MROH2B: variants seen among roughly 807,000 people sequenced by gnomAD.
MROH2B encodes the protein maestro heat like repeat family member 2B.
Under a neutral mutation model 208.6 loss-of-function variants are expected in MROH2B, and 177 were observed. The observed-to-expected ratio is 0.85, with a 90% CI of 0.75 to 0.96. MROH2B has a LOEUF of 0.96. Ranked by LOEUF, MROH2B falls within the 40% of genes least tolerant of loss-of-function variation. The probability of loss-of-function intolerance (pLI) is 0.00; values close to 1 mark genes in which losing one functional copy is unlikely to be tolerated. For synonymous variants in MROH2B, 728 were observed against 659.0 expected, an observed-to-expected ratio of 1.10 and a Z score of -1.60; for missense variants, 2,002 against 1,878.7, an observed-to-expected ratio of 1.07 and a Z score of -1.21.
intron 16 of MROH2B, 58 bp from the exon 17 acceptor site, chr5:41,047,822 A>G (rs1428817865): frequency 6.9e-7 from 1 of 1,444,158 alleles, no homozygotes. Flanking sequence ...CAAGACTCAA[A>G]TTCTCCCCTC....
At chr5:41,064,328 A>T (rs974018529) in intron 5 of MROH2B, 144 bp downstream of exon 5, 3 of 618,880 alleles carry the variant, frequency 4.8e-6, no homozygotes, top group South Asian at 2.2e-5. Flanking sequence ...AGGACTTTCC[A>T]TGTGGTAGGC....
chr5:41,047,720 C>G lies in MROH2B; in HGVS notation c.1728+1G>C. 6.3e-7 allele frequency: 1 copy of G among 1,594,186 alleles called. No homozygotes were observed. The highest frequency in any genetic ancestry group is 8.6e-7 in the Non-Finnish European group (1 of 1,169,430). On this transcript the variant is annotated splice_donor_variant, in intron 17 of 41. Coordinates refer to ENST00000399564, the MANE Select transcript of MROH2B (RefSeq NM_173489.5). LOFTEE classifies it high-confidence loss of function. ...AAAATTATTCTAGAAGCCAGCCTTA[C>G]CTGAAGCAGCATGGTTTCCCATAGA...
At chr5:41,063,373 C>G (rs1743700184) in intron 5 of MROH2B, among the ~76,000 whole-genome samples, 1 of 152,060 alleles carries the variant, frequency 6.6e-6, no homozygotes, top group South Asian at 2.1e-4. Context: ...GGCTGTGTGA[C>G]CTAAGGCAAG....
chr5:41,039,419 G>A, intron 20 of MROH2B, 29 bp downstream of exon 20: 1 of 1,375,008 alleles, frequency 7.3e-7, no homozygotes, highest in South Asian at 1.3e-5. Context: ...TTGCAATACT[G>A]AGAATTTGAA....
intron 41 of MROH2B, 37 bp downstream of exon 41, chr5:40,998,575 T>C (rs1475823293): frequency 1.3e-6 from 2 of 1,519,882 alleles, no homozygotes; most frequent in South Asian, 1.2e-5. Context: ...CCTAAGAATG[T>C]AACAATATGC....
In MROH2B at chr5:41,048,438, C is replaced by T. The variant is rs1332899394; in HGVS notation, c.1570G>A (p.Glu524Lys). 2 of 1,613,098 alleles carry T rather than the reference C, an allele frequency of 1.2e-6. No homozygotes were observed. Among genetic ancestry groups the T allele is most frequent in the Admixed American group, 3.3e-5 (2 of 59,804 alleles). The change falls in exon 16 of 42, where the codon GAG (glutamate) becomes AAG (lysine). Residue 524 changes from glutamate (E) to lysine (K), a missense_variant. By Grantham distance (56) the Glu-to-Lys change is moderately conservative (BLOSUM62 1). Transcript: ENST00000399564. ...LVISMPASLG[E>K]LRGAGAIGLL... The stretch of plus-strand genomic sequence containing the variant: ...CCTATTGCACCAGCCCCACGTAACT[C>T]CCCTAAACTGGCAGGCATAGATATT...
chr5:41,023,027 C>G (rs182074284), intron 24 of MROH2B, among the ~76,000 whole-genome samples: 222 of 152,258 alleles, frequency 1.5e-3, no homozygotes, highest in African/African-American at 5.2e-3. Context: ...GACATCCACA[C>G]CAAAACCCCG....
Position 41,030,272 on chromosome 5 carries a change from A to G in MROH2B, c.2441+2470T>C, listed in dbSNP as rs1311181202. Among the ~76,000 whole-genome samples, 3 of 152,082 alleles carry G rather than the reference A, an allele frequency of 2.0e-5. No homozygotes were observed. In the East Asian group the frequency reaches 5.8e-4, roughly 29 times the overall value. The stretch of plus-strand genomic sequence containing the variant: ...CAAAACCACAAGAAAATACCACCTC[A>G]CACCCATTAGAATGGGTATAAAAAA... On this transcript the variant is annotated intron_variant, in intron 24 of 41. Coordinates refer to ENST00000399564, the MANE Select transcript of MROH2B (RefSeq NM_173489.5).
chr5:41,065,474 C>A lies in MROH2B; in HGVS notation c.218G>T (p.Arg73Ile). 1 of 1,612,664 alleles carries A rather than the reference C, an allele frequency of 6.2e-7. No homozygotes were observed. Reference protein sequence around the residue: ...MRDNNMLREIRMLAGEVLVSL... With the variant: ...MRDNNMLREIIMLAGEVLVSL... ...CACCAAAACCTCACCAGCTAGCATT[C>A]TGATTTCTCTGAGCATCTGAGGAGG... Residue 73 changes from arginine to isoleucine, a missense_variant, in exon 4 of 42, where the codon AGA becomes ATA. Transcript: ENST00000399564.
rs1045100054 is a variant in MROH2B at position 41,039,351 on chromosome 5, C to G, written c.2061+97G>C. The G allele has an allele frequency of 4.3e-6, 3 of 689,700 alleles. No homozygotes were observed. In the Admixed American group the frequency reaches 8.7e-5, roughly 20 times the overall value. The allele number at this position is 689,700 out of a possible 1,614,324, so 42.7% of individuals were successfully genotyped here. On this transcript the variant is annotated intron_variant, in intron 20 of 41. Coordinates refer to ENST00000399564, the MANE Select transcript of MROH2B (RefSeq NM_173489.5). ...CTGACCTGGAATAAGAACCTGGGGA[C>G]AGGAGTAAGTATAATATAAGAAAGG...
intron 21 of MROH2B, among the ~76,000 whole-genome samples, chr5:41,036,116 C>T (rs1331077049): frequency 7.2e-6 from 1 of 139,590 alleles, no homozygotes; most frequent in Non-Finnish European, 1.6e-5. Flanking sequence ...GTGGGAGATA[C>T]ATATATTATA....
At chr5:41,044,350 T>A (rs1044915696) in intron 18 of MROH2B, among the ~76,000 whole-genome samples, 9 of 152,128 alleles carry the variant, frequency 5.9e-5, no homozygotes. Flanking sequence ...CAGCCCAAAG[T>A]GTCAAAGTAT....
At chr5:41,052,395 T>TA (rs1184585326) in intron 12 of MROH2B, 70 bp downstream of exon 12, 8 of 1,407,258 alleles carry the variant, frequency 5.7e-6, no homozygotes, top group Non-Finnish European at 7.5e-6. Context: ...AATCATTTTT[T>TA]AAAAAGAAAC....
At chr5:41,046,310 G>A (rs1196818917) in intron 17 of MROH2B, among the ~76,000 whole-genome samples, 1 of 151,714 alleles carries the variant, frequency 6.6e-6, no homozygotes, top group African/African-American at 2.4e-5. Context: ...ACATTTTGAT[G>A]TACAGGTACA....
chr5:41,005,422 C>CGCTT, intron 35 of MROH2B, 109 bp downstream of exon 35: 1 of 151,118 alleles, frequency 6.6e-6, no homozygotes, highest in South Asian at 5.3e-5. Context: ...AACCCCCCCC[C>CGCTT]CCCTTGAAGT....
At chr5:41,042,949 C>A (rs893161333) in intron 18 of MROH2B, among the ~76,000 whole-genome samples, 3 of 152,150 alleles carry the variant, frequency 2.0e-5, no homozygotes, top group African/African-American at 7.2e-5. Flanking sequence ...AGGTTCAAAT[C>A]ATTCCTAGCT....
At chr5:41,059,527 C>G (rs1286632689) in intron 6 of MROH2B, among the ~76,000 whole-genome samples, 7 of 152,200 alleles carry the variant, frequency 4.6e-5, no homozygotes, top group African/African-American at 1.7e-4. Context: ...CAAATCATCT[C>G]AAAACTTAGT....
intron 19 of MROH2B, among the ~76,000 whole-genome samples, chr5:41,040,859 G>T (rs1663490385): frequency 6.6e-6 from 1 of 151,960 alleles, no homozygotes; most frequent in African/African-American, 2.4e-5. Context: ...TAGAGATGGG[G>T]TTTCACTATG....
chr5:41,028,754 T>C (rs1232132742), intron 24 of MROH2B, among the ~76,000 whole-genome samples: 2 of 152,208 alleles, frequency 1.3e-5, no homozygotes, highest in Admixed American at 1.3e-4. Flanking sequence ...CTATTGTTAA[T>C]AATGCTGCAA....
Sources: gnomAD v4.1 joint callset for allele counts (sites outside exome capture counted in the v4.1 genomes callset) on GRCh38, gnomAD v4.1.1 for gene constraint, MANE v1.5 for transcripts, NCBI Gene and HGNC (gene_info 2026-07-23, HGNC 2026-07-21) for gene names.